VSIR: variants seen among roughly 807,000 people sequenced by gnomAD.
The protein encoded by VSIR is V-type immunoglobulin domain-containing suppressor of T-cell activation.
Under a neutral mutation model 31.0 loss-of-function variants are expected in VSIR, and 10 were observed. The observed-to-expected ratio is 0.32, with a 90% CI of 0.20 to 0.55. VSIR has a LOEUF of 0.55. Ranked by LOEUF, VSIR falls within the 20% of genes least tolerant of loss-of-function variation. The probability of loss-of-function intolerance (pLI) is 0.93; values close to 1 mark genes in which losing one functional copy is unlikely to be tolerated. For synonymous variants in VSIR, 179 were observed against 180.1 expected, an observed-to-expected ratio of 0.99 and a Z score of 0.05; for missense variants, 356 against 416.2, an observed-to-expected ratio of 0.86 and a Z score of 1.26.
chr10:71,753,233 ACT>A (rs1840052033), intron 4 of VSIR, among the ~76,000 whole-genome samples: 1 of 151,660 alleles, frequency 6.6e-6, no homozygotes, highest in Admixed American at 6.6e-5. Flanking sequence ...GATAAATGAA[ACT>A]CTATCTGCAT....
chr10:71,763,511 G>C (rs1293483361), intron 1 of VSIR, among the ~76,000 whole-genome samples: 1 of 152,198 alleles, frequency 6.6e-6, no homozygotes, highest in Non-Finnish European at 1.5e-5. Flanking sequence ...TCGGCGGCAG[G>C]CTGGGACCCA....
At position 71,755,441 on chromosome 10, in the gene VSIR, C is replaced by G. The variant is rs139011277; in HGVS notation, c.594G>C (p.Thr198=). The change falls in exon 4 of 7, where the codon ACG becomes ACC. Residue 198 remains threonine, a synonymous_variant. Transcript: ENST00000394957. ...SENITAAALA[T]GACIVGILCL... is the part of the protein sequence containing the mutation. ...AGAGGATTCCTACGATGCAGGCACC[C>G]GTAGCCAGGGCTGCAGCCGTGATGT... 2 of 1,612,720 alleles carry G rather than the reference C, an allele frequency of 1.2e-6. No homozygotes were observed. The highest frequency in any genetic ancestry group is 3.3e-5 in the Admixed American group (2 of 59,874).
chr10:71,771,569 T>C (rs1840686129), intron 1 of VSIR, among the ~76,000 whole-genome samples: 1 of 152,190 alleles, frequency 6.6e-6, no homozygotes, highest in Non-Finnish European at 1.5e-5. Context: ...GAATATCTAT[T>C]ATAGTGTGTC....
chr10:71,751,803 G>A lies in VSIR; in HGVS notation c.763C>T (p.Pro255Ser), dbSNP rs761185707. ...AGGGGGTGCCTGACTTTGGCCTCGG[G>A]TATCCCCTGGGCAGGTGGTGAGGCT... is the stretch of plus-strand genomic sequence containing the variant. ...FEASPPAQGI[P>S]EAKVRHPLSY... Residue 255 changes from proline (P) to serine (S), a missense_variant, in exon 6 of 7, where the codon CCC becomes TCC. Physicochemically the swap from Pro to Ser is moderately conservative, Grantham distance 74 (BLOSUM62 -1). Transcript: ENST00000394957. This position sits in a 1 kb window ranked among gnomAD's most constrained non-coding sequence, Gnocchi z 4.9. 3.1e-5 allele frequency: 49 copies of A among 1,594,898 alleles called. 1 individual carries two copies. The South Asian group carries it at 4.3e-4, about 14-fold the overall frequency.
At chr10:71,763,348 G>A (rs1014548464) in intron 1 of VSIR, among the ~76,000 whole-genome samples, 2 of 152,160 alleles carry the variant, frequency 1.3e-5, no homozygotes, top group Non-Finnish European at 2.9e-5. Context: ...GGCTGTTGTG[G>A]GTCTAGCAGA....
chr10:71,768,321 C>T (rs1281384523), intron 1 of VSIR, among the ~76,000 whole-genome samples: 2 of 152,188 alleles, frequency 1.3e-5, no homozygotes, highest in Non-Finnish European at 2.9e-5. Context: ...CAGGCACCCG[C>T]CACCACGCCT....
chr10:71,765,781 G>T (rs1840525846), intron 1 of VSIR, among the ~76,000 whole-genome samples: 1 of 152,018 alleles, frequency 6.6e-6, no homozygotes, highest in South Asian at 2.1e-4. Flanking sequence ...TCCCCTTTTA[G>T]AAAAAAGCTG....
At chr10:71,767,242 C>T (rs571432061) in intron 1 of VSIR, among the ~76,000 whole-genome samples, 21 of 152,316 alleles carry the variant, frequency 1.4e-4, no homozygotes, top group East Asian at 7.7e-4. Flanking sequence ...TGAGTGTGCA[C>T]GGGATGGGTG....
chr10:71,768,185 G>A (rs940018889), intron 1 of VSIR, among the ~76,000 whole-genome samples: 1 of 152,092 alleles, frequency 6.6e-6, no homozygotes, highest in South Asian at 2.1e-4. Flanking sequence ...TGTTGTTGTT[G>A]TTTGAGATGG....
Position 71,751,903 on chromosome 10 carries a change from A to T in VSIR, c.705-42T>A. On this transcript the variant is annotated intron_variant, in intron 5 of 6. Coordinates refer to ENST00000394957, the MANE Select transcript of VSIR (RefSeq NM_022153.2). This position sits in a 1 kb window ranked among gnomAD's most constrained non-coding sequence, Gnocchi z 4.9. Reference sequence around the variant, plus strand: ...ATGGAAGGTCATCTGTGCTGTCCGGAGCGTGAACTCTGCCCTCCCTGCCCC... The same window carrying T: ...ATGGAAGGTCATCTGTGCTGTCCGGTGCGTGAACTCTGCCCTCCCTGCCCC... 1.3e-6 allele frequency: 2 copies of T among 1,535,060 alleles called. No individual in the cohort carries two copies. Among genetic ancestry groups the T allele is most frequent in the Non-Finnish European group, 1.8e-6 (2 of 1,135,330 alleles).
In VSIR at chr10:71,750,878, C is replaced by T. The variant is rs1426599686; in HGVS notation, c.*375G>A. The T allele has an allele frequency of 5.2e-6, 1 of 191,924 alleles. No homozygotes were observed. Among genetic ancestry groups the T allele is most frequent in the African/African-American group, 2.3e-5 (1 of 42,786 alleles). The allele number at this position is 191,924 out of a possible 1,614,324, so 11.9% of individuals were successfully genotyped here. A position where few individuals can be genotyped will look rare whatever the true frequency, so the allele number is the denominator to read the frequency against. ...GTGTCTGGTGCCTGGGAGGGTGGCC[C>T]AGTGTCCATCTTGTCCCACTGATGC... On this transcript the variant is annotated 3_prime_UTR_variant, in exon 7 of 7. Transcript: ENST00000394957.
At chr10:71,773,299 A>C (rs1370009101) in intron 1 of VSIR, 59 bp downstream of exon 1, 1 of 1,533,496 alleles carries the variant, frequency 6.5e-7, no homozygotes, top group Non-Finnish European at 8.8e-7. Context: ...CACAGTTCCC[A>C]CTCCAGTCTG....
Position 71,751,966 on chromosome 10 carries a change from C to T in VSIR, c.705-105G>A. The T allele has an allele frequency of 8.3e-7, 1 of 1,210,374 alleles. No individual in the cohort carries two copies. Among genetic ancestry groups the T allele is most frequent in the Non-Finnish European group, 1.2e-6 (1 of 850,768 alleles). 75.0% of individuals were successfully genotyped at this position (1,210,374 alleles called of 1,614,324 possible). On this transcript the variant is annotated intron_variant, in intron 5 of 6. Transcript: ENST00000394957. This position sits in a 1 kb window ranked among gnomAD's most constrained non-coding sequence, Gnocchi z 4.9. The stretch of plus-strand genomic sequence containing the variant: ...CCTCCCTTTCTCTCACCTACATCCC[C>T]ATCCCCAAGCCTCAGCAGCATCTCC...
At position 71,761,821 on chromosome 10, in the gene VSIR, G is replaced by A. The variant is rs3747866; in HGVS notation, c.288C>T (p.Asp96=). The change falls in exon 2 of 7, where the codon GAC becomes GAT. Residue 96 remains aspartate, a synonymous_variant. Transcript: ENST00000394957. The part of the protein sequence containing the change: ...RRPIRNLTFQ[D]LHLHHGGHQA... ...GGTGGCCTCCATGGTGCAGGTGAAGGTCCTGGAACGTGAGGTTGCGGATGG... is the reference window on the plus strand; with the variant it reads ...GGTGGCCTCCATGGTGCAGGTGAAGATCCTGGAACGTGAGGTTGCGGATGG... 0.09 allele frequency: 144,873 copies of A among 1,613,980 alleles called. 13,706 individuals carry two copies. The highest frequency in any genetic ancestry group is 0.49 in the African/African-American group (36,901 of 74,912).
At chr10:71,758,296 T>A (rs993595829) in intron 3 of VSIR, among the ~76,000 whole-genome samples, 43 of 152,158 alleles carry the variant, frequency 2.8e-4, no homozygotes, top group African/African-American at 1.0e-3. Flanking sequence ...CCGGCTTAGG[T>A]CCTCGTGCAT....
Position 71,751,916 on chromosome 10 carries a change from C to T in VSIR, c.705-55G>A. On this transcript the variant is annotated intron_variant, in intron 5 of 6. Transcript: ENST00000394957. This position sits in a 1 kb window ranked among gnomAD's most constrained non-coding sequence, Gnocchi z 4.9. ...TGTGCTGTCCGGAGCGTGAACTCTG[C>T]CCTCCCTGCCCCCAGTTTTTCTCTC... The T allele has an allele frequency of 6.7e-7, 1 of 1,493,192 alleles. No homozygotes were observed. Among genetic ancestry groups the T allele is most frequent in the Non-Finnish European group, 9.1e-7 (1 of 1,102,408 alleles). 92.5% of individuals were successfully genotyped at this position (1,493,192 alleles called of 1,614,324 possible).
chr10:71,755,136 T>A, intron 4 of VSIR: 2 of 657,366 alleles, frequency 3.0e-6, no homozygotes, highest in South Asian at 3.0e-5. Flanking sequence ...CAGCACTGCC[T>A]GGGAGCCAAA....
intron 3 of VSIR, among the ~76,000 whole-genome samples, chr10:71,759,846 C>CACACACACACACATATAT (rs776230069): frequency 5.0e-5 from 3 of 59,932 alleles, no homozygotes; most frequent in Admixed American, 1.9e-4. Context: ...CACACACACA[C>CACACACACACACATATAT]ATATACACAC....
Position 71,755,399 on chromosome 10 carries a change from C to G in VSIR, c.636G>C (p.Leu212=), listed in dbSNP as rs776229370. The G allele has an allele frequency of 6.2e-7, 1 of 1,613,412 alleles. No individual in the cohort carries two copies. Among genetic ancestry groups the G allele is most frequent in the African/African-American group, 1.3e-5 (1 of 75,008 alleles). The change falls in exon 4 of 7, where the codon CTG becomes CTC. Residue 212 remains leucine, a synonymous_variant. Coordinates refer to ENST00000394957, the MANE Select transcript of VSIR (RefSeq NM_022153.2). The stretch of plus-strand genomic sequence containing the variant: ...CCTGCCTTTGCTTGTAGACCAGGAG[C>G]AGGATGAGGGGGAGGCAGAGGATTC... ...IVGILCLPLI[L]LLVYKQRQAA...
Sources: gnomAD v4.1 joint callset for allele counts (sites outside exome capture counted in the v4.1 genomes callset) on GRCh38, gnomAD v4.1.1 for gene constraint, Gnocchi (gnomAD v3.1) non-coding constraint, MANE v1.5 for transcripts, NCBI Gene and HGNC (gene_info 2026-07-23, HGNC 2026-07-21) for gene names.